Variants in CSNK2A1 observed in about 807,000 individuals in gnomAD.
CSNK2A1 encodes casein kinase 2 alpha 1.
A neutral mutation model predicts 62.9 loss-of-function variants in CSNK2A1; 10 were observed. The ratio of observed to expected loss-of-function variants is 0.16; its 90% CI spans 0.10 to 0.27. The LOEUF is 0.27. Ranked by LOEUF, CSNK2A1 falls within the 10% of genes least tolerant of loss-of-function variation. The probability of loss-of-function intolerance (pLI) is 1.00; values close to 1 mark genes in which losing one functional copy is unlikely to be tolerated. For missense variants in CSNK2A1, 160 were observed against 492.0 expected (o/e 0.33, Z 6.38); for synonymous variants, 124 against 167.8 (o/e 0.74, Z 2.02).
intron 4 of CSNK2A1, chr20:503,226 C>G (rs1338810833): frequency 2.9e-6 from 1 of 344,682 alleles, no homozygotes; most frequent in Non-Finnish European, 5.2e-6. Context: ...ATCCGTGCAA[C>G]CTTCAACTTC....
intron 2 of CSNK2A1, among the ~76,000 whole-genome samples, chr20:524,581 T>C (rs2019030242): frequency 6.7e-6 from 1 of 150,004 alleles, no homozygotes; most frequent in Admixed American, 6.6e-5. Flanking sequence ...AACACAAAAA[T>C]TAGCTGGGTG....
In CSNK2A1 at chr20:474,320, G is replaced by A. The variant is rs1261330849; in HGVS notation, c.*9641C>T. The A allele has an allele frequency of 2.0e-5, 3 of 152,180 alleles. No homozygotes were observed. The highest frequency in any genetic ancestry group is 4.4e-5 in the Non-Finnish European group (3 of 68,052). 9.4% of individuals were successfully genotyped at this position (152,180 alleles called of 1,614,324 possible). The stretch of plus-strand genomic sequence containing the variant: ...CAAAATGCTGGGGTTATAGATATGA[G>A]TCACTGTGCCTGGACTAGAATATTT... On this transcript the variant is annotated 3_prime_UTR_variant, in exon 14 of 14. Coordinates refer to ENST00000217244, the MANE Select transcript of CSNK2A1 (RefSeq NM_177559.3).
At chr20:535,717 G>C (rs1034734752) in intron 1 of CSNK2A1, among the ~76,000 whole-genome samples, 1 of 149,186 alleles carries the variant, frequency 6.7e-6, no homozygotes, top group Non-Finnish European at 1.5e-5. Context: ...TCCAGCTTGG[G>C]CGACAGAGCA....
In CSNK2A1 at chr20:474,058, AT is replaced by A. The variant is rs1444067038; in HGVS notation, c.*9902del. On this transcript the variant is annotated 3_prime_UTR_variant, in exon 14 of 14. Transcript: ENST00000217244. ...TAAGCAAGGGACTGAGATAAAATTT[AT>A]TTATTATTTTTAAGAGAGAGGTTCT... The A allele has an allele frequency of 6.6e-6, 1 of 152,114 alleles. No homozygotes were observed. The highest frequency in any genetic ancestry group is 1.5e-5 in the Non-Finnish European group (1 of 68,028). 9.4% of individuals were successfully genotyped at this position (152,114 alleles called of 1,614,324 possible).
In CSNK2A1 at chr20:543,781, G is replaced by T. The variant is rs142572578; in HGVS notation, c.-336C>A. ...GCTCGGCCGCCAGCCGCAGGGACCA[G>T]AGCGAGGCTGCAGCCGCTGCTGCCG... On this transcript the variant is annotated 5_prime_UTR_variant, in exon 1 of 14. In the 5' UTR this introduces an upstream ATG that the reference lacks. Coordinates refer to ENST00000217244, the MANE Select transcript of CSNK2A1 (RefSeq NM_177559.3). The T allele has an allele frequency of 2.5e-6, 1 of 398,346 alleles. No homozygotes were observed. The allele number at this position is 398,346 out of a possible 1,614,324, so 24.7% of individuals were successfully genotyped here. A position where few individuals can be genotyped will look rare whatever the true frequency, so the allele number is the denominator to read the frequency against.
chr20:507,689 G>A (rs934353945), intron 3 of CSNK2A1: 1 of 152,182 alleles, frequency 6.6e-6, no homozygotes, highest in African/African-American at 2.4e-5. Context: ...TACCTCTTTG[G>A]AGAACTGTTT....
chr20:514,229 A>T (rs1280937768), intron 2 of CSNK2A1, among the ~76,000 whole-genome samples: 1 of 151,998 alleles, frequency 6.6e-6, no homozygotes, highest in Non-Finnish European at 1.5e-5. Flanking sequence ...CTGTGGTCCC[A>T]GGTACTTGGT....
chr20:486,299 C>T (rs1382688960), intron 13 of CSNK2A1, 77 bp downstream of exon 13: 3 of 1,555,286 alleles, frequency 1.9e-6, no homozygotes, highest in South Asian at 2.3e-5. Flanking sequence ...AGAAGGTATA[C>T]AAGAAATCAG....
intron 2 of CSNK2A1, 52 bp downstream of exon 2, chr20:527,881 T>C (rs1476672117): frequency 6.6e-6 from 1 of 152,174 alleles, no homozygotes; most frequent in Non-Finnish European, 1.5e-5. Context: ...ATAAATGTTA[T>C]TGCATCCATC....
intron 9 of CSNK2A1, among the ~76,000 whole-genome samples, chr20:491,071 T>C (rs1277221024): frequency 6.6e-6 from 1 of 152,130 alleles, no homozygotes; most frequent in Non-Finnish European, 1.5e-5. Flanking sequence ...ATGCATAAAA[T>C]GCTTTTTGAA....
At chr20:498,351 T>TTTC (rs1410566082) in intron 6 of CSNK2A1, 4 of 149,456 alleles carry the variant, frequency 2.7e-5, no homozygotes, top group African/African-American at 1.0e-4. Flanking sequence ...TTTTTTTTTT[T>TTTC]TTTTTTGAGA....
chr20:535,576 C>T (rs1410305839), intron 1 of CSNK2A1, among the ~76,000 whole-genome samples: 1 of 151,748 alleles, frequency 6.6e-6, no homozygotes, highest in African/African-American at 2.4e-5. Context: ...GCCAACATGG[C>T]GACACCCCGC....
rs147822105 is a variant in CSNK2A1 at position 489,898 on chromosome 20, T to C, written c.622-17A>G. 1 of 1,596,370 alleles carries C rather than the reference T, an allele frequency of 6.3e-7. No individual in the cohort carries two copies. The highest frequency in any genetic ancestry group is 1.3e-5 in the African/African-American group (1 of 74,734). ...ATCGTACATCTGCATAAAAGTAAAC[T>C]CACTGTTATTATCTGTGAATCCTCA... On this transcript the variant is annotated splice_polypyrimidine_tract_variant and intron_variant, in intron 9 of 13. Transcript: ENST00000217244.
Position 476,496 on chromosome 20 carries a change from G to A in CSNK2A1, c.*7465C>T, listed in dbSNP as rs1443749322. 1 of 152,086 alleles carries A rather than the reference G, an allele frequency of 6.6e-6. No individual in the cohort carries two copies. Among genetic ancestry groups the A allele is most frequent in the Non-Finnish European group, 1.5e-5 (1 of 68,048 alleles). The allele number at this position is 152,086 out of a possible 1,614,324, so 9.4% of individuals were successfully genotyped here. Reference sequence around the variant, plus strand: ...TCTGGTTTCAAACTCCTGACCTCAGGTGATCCACTCGCCTTGGTCTCCCAA... The same window carrying A: ...TCTGGTTTCAAACTCCTGACCTCAGATGATCCACTCGCCTTGGTCTCCCAA... On this transcript the variant is annotated 3_prime_UTR_variant, in exon 14 of 14. Coordinates refer to ENST00000217244, the MANE Select transcript of CSNK2A1 (RefSeq NM_177559.3).
chr20:527,995 C>T lies in CSNK2A1; in HGVS notation c.-172G>A, dbSNP rs2019133413. The T allele has an allele frequency of 6.6e-6, 1 of 152,112 alleles. No homozygotes were observed. The highest frequency in any genetic ancestry group is 2.4e-5 in the African/African-American group (1 of 41,406). The allele number at this position is 152,112 out of a possible 1,614,324, so 9.4% of individuals were successfully genotyped here. A position where few individuals can be genotyped will look rare whatever the true frequency, so the allele number is the denominator to read the frequency against. ...GTTTCTTGGAGATTTTATGAGGTTC[C>T]ACGCTGCATGATTTACCATGTGATG... is the stretch of plus-strand genomic sequence containing the variant. On this transcript the variant is annotated 5_prime_UTR_variant, in exon 2 of 14. The change creates a premature stop within an existing upstream ORF in the 5' untranslated region. Coordinates refer to ENST00000217244, the MANE Select transcript of CSNK2A1 (RefSeq NM_177559.3).
chr20:511,734 C>T (rs889133879), intron 2 of CSNK2A1, among the ~76,000 whole-genome samples: 1 of 151,270 alleles, frequency 6.6e-6, no homozygotes. Context: ...ACACACACCA[C>T]ATTTTGCTTA....
chr20:513,440 C>G (rs1416318485), intron 2 of CSNK2A1, among the ~76,000 whole-genome samples: 1 of 152,186 alleles, frequency 6.6e-6, no homozygotes, highest in Non-Finnish European at 1.5e-5. Flanking sequence ...TCCCCTAGCT[C>G]CTTAGTGAAA....
At chr20:518,933 CTTTTTTTTTTT>C (rs796982756) in intron 2 of CSNK2A1, among the ~76,000 whole-genome samples, 1 of 123,710 alleles carries the variant, frequency 8.1e-6, no homozygotes, top group Admixed American at 8.5e-5. Context: ...GTTGGATATA[CTTTTTTTTTTT>C]TTTTTTTTTG....
Position 495,680 on chromosome 20 carries a change from T to C in CSNK2A1, c.510+39A>G. On this transcript the variant is annotated intron_variant, in intron 8 of 13. Transcript: ENST00000217244. Reference sequence around the variant, plus strand: ...TGTTGAAGATGGGCAATTAGCTACATCATGTAGATAAATAACACTTGTCAG... The same window carrying C: ...TGTTGAAGATGGGCAATTAGCTACACCATGTAGATAAATAACACTTGTCAG... The C allele has an allele frequency of 1.9e-6, 3 of 1,564,642 alleles. 1 individual carries two copies. Among genetic ancestry groups the C allele is most frequent in the African/African-American group, 1.4e-5 (1 of 74,058 alleles).
Sources: gnomAD v4.1 joint callset for allele counts (sites outside exome capture counted in the v4.1 genomes callset) on GRCh38, gnomAD v4.1.1 for gene constraint, MANE v1.5 for transcripts, NCBI Gene and HGNC (gene_info 2026-07-23, HGNC 2026-07-21) for gene names.